KDELR2: variants seen among roughly 807,000 people sequenced by gnomAD.
The protein encoded by KDELR2 is KDEL endoplasmic reticulum protein retention receptor 2, also known as ER lumen protein-retaining receptor 2.
KDELR2 carries 15 observed loss-of-function variants against 23.9 expected under a neutral mutation model. That is an observed-to-expected ratio of 0.63 (90% CI 0.42 to 0.97). The LOEUF (loss-of-function observed/expected upper bound fraction) is 0.97. Ranked by LOEUF, KDELR2 falls within the 50% of genes least tolerant of loss-of-function variation. The pLI is 0.00. For missense variants in KDELR2, 272 were observed against 254.6 expected, an observed-to-expected ratio of 1.07 and a Z score of -0.46; for synonymous variants, 119 against 106.2, an observed-to-expected ratio of 1.12 and a Z score of -0.74.
intron 1 of KDELR2, among the ~76,000 whole-genome samples, chr7:6,476,583 C>A (rs952461760): frequency 4.1e-4 from 63 of 152,188 alleles, no homozygotes; most frequent in African/African-American, 1.5e-3. Flanking sequence ...TTTACTCTAA[C>A]AGAACTTTGG....
intron 1 of KDELR2, 30 bp from the exon 2 acceptor site, chr7:6,474,314 G>A (rs767203541): frequency 2.1e-6 from 3 of 1,461,014 alleles, no homozygotes; most frequent in Non-Finnish European, 1.9e-6. Flanking sequence ...GTATTAGAAG[G>A]GCCTGAAGAG....
intron 2 of KDELR2, 134 bp from the exon 3 acceptor site, chr7:6,469,888 T>A: frequency 1.4e-6 from 1 of 711,104 alleles, no homozygotes; most frequent in Non-Finnish European, 2.2e-6. Context: ...TTTTAAAACT[T>A]AAATATAGTA....
At position 6,462,676 on chromosome 7, in the gene KDELR2, A is replaced by G. The variant is rs908200823; in HGVS notation, c.*465T>C. On this transcript the variant is annotated 3_prime_UTR_variant, in exon 5 of 5. Coordinates refer to ENST00000258739, the MANE Select transcript of KDELR2 (RefSeq NM_006854.4). ...AGTGTCTCAGATTTCAAACAAATAC[A>G]GCTCATCTTTTGCCAAAAAATAAAT... is the stretch of plus-strand genomic sequence containing the variant. 3 of 277,400 alleles carry G rather than the reference A, an allele frequency of 1.1e-5. No homozygotes were observed. The highest frequency in any genetic ancestry group is 2.0e-5 in the Non-Finnish European group (3 of 148,352). 17.2% of individuals were successfully genotyped at this position (277,400 alleles called of 1,614,324 possible). A position where few individuals can be genotyped will look rare whatever the true frequency, so the allele number is the denominator to read the frequency against.
At chr7:6,463,548 AAAG>A (rs1041062660) in intron 4 of KDELR2, among the ~76,000 whole-genome samples, 10 of 151,206 alleles carry the variant, frequency 6.6e-5, no homozygotes, top group Non-Finnish European at 1.5e-4. Flanking sequence ...CTGGGCAAAA[AAAG>A]TGAGAGCGAC....
At chr7:6,475,368 G>C (rs1176794057) in intron 1 of KDELR2, among the ~76,000 whole-genome samples, 2 of 152,174 alleles carry the variant, frequency 1.3e-5, no homozygotes, top group Non-Finnish European at 2.9e-5. Flanking sequence ...CTGAGGCTGA[G>C]TGAGCTGTGG....
Position 6,469,765 on chromosome 7 carries a change from A to G in KDELR2, c.193-11T>C, listed in dbSNP as rs1401207379. 8.1e-6 allele frequency: 13 copies of G among 1,599,626 alleles called. No homozygotes were observed. The highest frequency in any genetic ancestry group is 1.1e-5 in the Non-Finnish European group (13 of 1,174,268). On this transcript the variant is annotated splice_polypyrimidine_tract_variant and intron_variant, in intron 2 of 4. Transcript: ENST00000258739. ...GGCAAGGTAGATAACCTACAAATAAAAGAAAAAACACCAGGTGTCAATACC... is the reference window on the plus strand; with the variant it reads ...GGCAAGGTAGATAACCTACAAATAAGAGAAAAAACACCAGGTGTCAATACC...
At position 6,462,266 on chromosome 7, in the gene KDELR2, T is replaced by G. The variant is rs1785405590; in HGVS notation, c.*875A>C. 1 of 152,200 alleles carries G rather than the reference T, an allele frequency of 6.6e-6. No homozygotes were observed. The highest frequency in any genetic ancestry group is 1.5e-5 in the Non-Finnish European group (1 of 68,048). The allele number at this position is 152,200 out of a possible 1,614,324, so 9.4% of individuals were successfully genotyped here. ...GTTTGAATCTGAGCATGGACATGGT[T>G]GTAGTCATCTTTTGGAATTATAAGT... On this transcript the variant is annotated 3_prime_UTR_variant, in exon 5 of 5. Coordinates refer to ENST00000258739, the MANE Select transcript of KDELR2 (RefSeq NM_006854.4).
At chr7:6,479,352 A>T (rs1785834176) in intron 1 of KDELR2, among the ~76,000 whole-genome samples, 1 of 151,866 alleles carries the variant, frequency 6.6e-6, no homozygotes, top group African/African-American at 2.4e-5. Flanking sequence ...ACAGGGTTTC[A>T]CCATGCTGCC....
At position 6,474,216 on chromosome 7, in the gene KDELR2, A is replaced by C; in HGVS notation, c.160T>G (p.Ser54Ala). The C allele has an allele frequency of 6.2e-7, 1 of 1,613,328 alleles. No homozygotes were observed. The highest frequency in any genetic ancestry group is 8.5e-7 in the Non-Finnish European group (1 of 1,179,240). The change falls in exon 2 of 5, where the codon TCA becomes GCA. Residue 54 changes from serine (S) to alanine (A), a missense_variant. Coordinates refer to ENST00000258739, the MANE Select transcript of KDELR2 (RefSeq NM_006854.4). ...GATGTGTTATACAATGAAATAAATG[A>C]AGTAAAAAGATCCAGGTAACGAGTT... is the stretch of plus-strand genomic sequence containing the variant. ...FTTRYLDLFTSFISLYNTSMK... is the reference protein window; with the variant it reads ...FTTRYLDLFTAFISLYNTSMK...
intron 2 of KDELR2, among the ~76,000 whole-genome samples, chr7:6,472,289 G>T (rs998073403): frequency 1.3e-5 from 2 of 152,148 alleles, no homozygotes; most frequent in African/African-American, 4.8e-5. Flanking sequence ...AAAACTTGAT[G>T]GGCGTTATTT....
chr7:6,470,986 G>A (rs931155064), intron 2 of KDELR2, among the ~76,000 whole-genome samples: 7 of 151,192 alleles, frequency 4.6e-5, no homozygotes, highest in Admixed American at 3.3e-4. Flanking sequence ...GCGTGGTGGC[G>A]GGTGCCTATA....
chr7:6,476,325 C>T (rs972462715), intron 1 of KDELR2, among the ~76,000 whole-genome samples: 2 of 152,250 alleles, frequency 1.3e-5, no homozygotes, highest in African/African-American at 2.4e-5. Context: ...GTCTTTTCCC[C>T]GTAACGGATA....
At chr7:6,463,726 G>C (rs1785435560) in intron 4 of KDELR2, among the ~76,000 whole-genome samples, 1 of 150,454 alleles carries the variant, frequency 6.6e-6, no homozygotes, top group South Asian at 2.1e-4. Context: ...CTGAGTAACA[G>C]AGTGAGACCC....
chr7:6,463,643 G>A (rs1317438653), intron 4 of KDELR2, among the ~76,000 whole-genome samples: 1 of 152,034 alleles, frequency 6.6e-6, no homozygotes, highest in Admixed American at 6.6e-5. Flanking sequence ...AGGAGGATGA[G>A]CAGGGAGGAT....
At chr7:6,472,829 G>C (rs564562015) in intron 2 of KDELR2, among the ~76,000 whole-genome samples, 13 of 151,158 alleles carry the variant, frequency 8.6e-5, no homozygotes, top group African/African-American at 3.2e-4. Context: ...CAGGTGCTCA[G>C]TATTTGTAGA....
At chr7:6,468,953 C>G (rs2115325404) in intron 3 of KDELR2, among the ~76,000 whole-genome samples, 1 of 149,760 alleles carries the variant, frequency 6.7e-6, no homozygotes, top group East Asian at 2.0e-4. Flanking sequence ...CCTAAATAAC[C>G]TCTTTTTTTT....
In KDELR2 at chr7:6,469,719, G is replaced by T; in HGVS notation, c.228C>A (p.Tyr76Ter). The T allele has an allele frequency of 6.2e-7, 1 of 1,614,022 alleles. No homozygotes were observed. Among genetic ancestry groups the T allele is most frequent in the Non-Finnish European group, 8.5e-7 (1 of 1,179,956 alleles). ...IYLACSYATVYLIYLKFKATY... is the reference protein window; with the variant it reads ...IYLACSYATV ...TTGCCTTAAATTTCAGGTAGATCAG[G>T]TACACTGTGGCATAGGAGCAGGCAA... The change falls in exon 3 of 5, where the codon TAC becomes TAA. Residue 76 changes from tyrosine (Y) to a stop codon, truncating the protein, a stop_gained. Coordinates refer to ENST00000258739, the MANE Select transcript of KDELR2 (RefSeq NM_006854.4). LOFTEE classifies it high-confidence loss of function.
In KDELR2 at chr7:6,469,692, G is replaced by C; in HGVS notation, c.255C>G (p.Thr85=). The part of the protein sequence containing the change: ...VYLIYLKFKA[T]YDGNHDTFRV... ...GGAAGGTATCATGATTTCCATCGTA[G>C]GTTGCCTTAAATTTCAGGTAGATCA... The change falls in exon 3 of 5, where the codon ACC becomes ACG. Residue 85 remains threonine (T), a synonymous_variant. Transcript: ENST00000258739. 1 of 1,614,082 alleles carries C rather than the reference G, an allele frequency of 6.2e-7. No homozygotes were observed. Among genetic ancestry groups the C allele is most frequent in the Non-Finnish European group, 8.5e-7 (1 of 1,179,968 alleles).
rs1270499985 is a variant in KDELR2 at position 6,471,250 on chromosome 7, C to T, written c.193-1496G>A. ...AGGCTGGAGTGCAGTGGCACAATCT[C>T]GGCTCACTGCAACCTCCGCCTCCCA... On this transcript the variant is annotated intron_variant, in intron 2 of 4. Coordinates refer to ENST00000258739, the MANE Select transcript of KDELR2 (RefSeq NM_006854.4). Among the ~76,000 whole-genome samples the T allele has an allele frequency of 4.1e-5, 5 of 122,742 alleles. No homozygotes were observed. In the East Asian group the frequency reaches 7.8e-4, roughly 19 times the overall value. The allele number at this position is 122,742 out of a possible 152,430, so 80.5% of individuals were successfully genotyped here. A position where few individuals can be genotyped will look rare whatever the true frequency, so the allele number is the denominator to read the frequency against.
Sources: gnomAD v4.1 joint callset for allele counts (sites outside exome capture counted in the v4.1 genomes callset) on GRCh38, gnomAD v4.1.1 for gene constraint, MANE v1.5 for transcripts, NCBI Gene and HGNC (gene_info 2026-07-23, HGNC 2026-07-21) for gene names.